The following SLC9A6 variants were observed in gnomAD, a reference collection of about 807,000 sequenced individuals.
SLC9A6 encodes solute carrier family 9 member A6.
In SLC9A6, 6 loss-of-function variants were observed where a neutral mutation model predicts 45.3. The observed-to-expected ratio is 0.13, with a 90% CI of 0.07 to 0.26. SLC9A6 has a LOEUF of 0.26. Ranked by LOEUF, SLC9A6 falls within the 10% of genes least tolerant of loss-of-function variation. SLC9A6 has a pLI of 1.00. For synonymous variants in SLC9A6, 191 were observed against 187.7 expected (o/e 1.02, Z -0.14); for missense variants, 278 against 503.7 (o/e 0.55, Z 4.29).
upstream of SLC9A6, chrX:135,985,391 G>T: frequency 2.2e-6 from 1 of 462,980 alleles, no homozygotes; most frequent in Non-Finnish European, 3.2e-6. Flanking sequence ...GGCGGCGGCG[G>T]CGCGCGCTCC....
chrX:135,996,853 G>A (rs1556616579), intron 3 of SLC9A6, among the ~76,000 whole-genome samples: 3 of 109,103 alleles, frequency 2.7e-5, no homozygotes, highest in Non-Finnish European at 5.7e-5. Context: ...TGCAAGCTCT[G>A]CCTCCTGGGT....
intron 14 of SLC9A6, chrX:136,029,670 T>C (rs1450108236): frequency 1.5e-5 from 2 of 135,798 alleles, no homozygotes; most frequent in Non-Finnish European, 2.9e-5. Flanking sequence ...GCAAGGCTAA[T>C]GTCTATCCAT....
chrX:136,004,860 T>C (rs2089633612), intron 7 of SLC9A6, among the ~76,000 whole-genome samples: 1 of 112,175 alleles, frequency 8.9e-6, no homozygotes, highest in African/African-American at 3.2e-5. Flanking sequence ...TTTTGTATTA[T>C]TTGAAGTAAG....
intron 7 of SLC9A6, among the ~76,000 whole-genome samples, chrX:136,003,467 A>G (rs182936092): frequency 2.4e-4 from 27 of 112,291 alleles, no homozygotes; most frequent in African/African-American, 8.1e-4. Context: ...CTTTGCAGCT[A>G]TATAGTATTC....
chrX:136,043,392 T>G (rs920929030), intron 17 of SLC9A6, among the ~76,000 whole-genome samples: 4 of 111,937 alleles, frequency 3.6e-5, no homozygotes, highest in Admixed American at 9.5e-5. Flanking sequence ...TTTTTGGTCT[T>G]TGAGTATTTA....
At chrX:136,000,254 C>CA (rs1212509294) in intron 6 of SLC9A6, among the ~76,000 whole-genome samples, 772 of 15,462 alleles carry the variant, frequency 0.05, 33 homozygotes, top group Non-Finnish European at 0.065. Context: ...ACCCTGTCTC[C>CA]AAAAAAAAAA....
At chrX:136,025,561 G>A (rs1556620480) in intron 13 of SLC9A6, among the ~76,000 whole-genome samples, 1 of 111,792 alleles carries the variant, frequency 8.9e-6, no homozygotes, top group African/African-American at 3.2e-5. Flanking sequence ...TAATTTCTGT[G>A]CTTTTATTGT....
Position 136,046,970 on chromosome X carries a change from G to T in SLC9A6, c.*2246G>T, listed in dbSNP as rs1454133160. ...TAAAGTTATTTTTTAAGGTTTCTTG[G>T]CATTTATCCTAGTTGTCCGTGTTTG... On this transcript the variant is annotated 3_prime_UTR_variant, in exon 18 of 18. Transcript: ENST00000630721. 8.9e-6 allele frequency: 1 copy of T among 112,457 alleles called. No homozygotes were observed. The highest frequency in any genetic ancestry group is 1.9e-5 in the Non-Finnish European group (1 of 53,250). 9.3% of individuals were successfully genotyped at this position (112,457 alleles called of 1,213,427 possible). A position where few individuals can be genotyped will look rare whatever the true frequency, so the allele number is the denominator to read the frequency against.
intron 17 of SLC9A6, among the ~76,000 whole-genome samples, chrX:136,043,879 C>T (rs1418784458): frequency 1.8e-5 from 2 of 111,694 alleles, no homozygotes; most frequent in African/African-American, 6.5e-5. Context: ...GTACCCCAAA[C>T]TGTATTAGGT....
At chrX:136,007,319 G>A (rs1220582713) in intron 7 of SLC9A6, among the ~76,000 whole-genome samples, 2 of 110,076 alleles carry the variant, frequency 1.8e-5, no homozygotes, top group East Asian at 5.7e-4. Context: ...ATGGCCTAGT[G>A]GGTAGAAGTT....
chrX:136,020,545 A>T (rs1556619814), intron 11 of SLC9A6, among the ~76,000 whole-genome samples: 2 of 110,240 alleles, frequency 1.8e-5, no homozygotes, highest in Non-Finnish European at 3.8e-5. Flanking sequence ...TAATTTTTAT[A>T]TTTTCAGTAG....
chrX:135,998,405 A>T, intron 4 of SLC9A6, 77 bp from the exon 5 acceptor site: 2 of 705,862 alleles, frequency 2.8e-6, no homozygotes, highest in Non-Finnish European at 4.3e-6. Context: ...ATTTCATATT[A>T]GCATAGCATA....
At chrX:136,023,914 G>A (rs1556620255) in intron 12 of SLC9A6, among the ~76,000 whole-genome samples, 1 of 109,336 alleles carries the variant, frequency 9.1e-6, no homozygotes, top group Admixed American at 9.7e-5. Context: ...TTCCGAGATG[G>A]AGTCTTGCTC....
upstream of SLC9A6, among the ~76,000 whole-genome samples, chrX:135,984,336 A>C (rs781826737): frequency 4.5e-5 from 5 of 111,733 alleles, no homozygotes; most frequent in Non-Finnish European, 9.4e-5. Flanking sequence ...CTCATTTCAA[A>C]ATATTTTTAG....
chrX:136,035,016 T>C (rs1224346701), intron 16 of SLC9A6, among the ~76,000 whole-genome samples: 1 of 111,692 alleles, frequency 9.0e-6, no homozygotes, highest in Non-Finnish European at 1.9e-5. Flanking sequence ...GATCCTAATG[T>C]TGAGAAAGCG....
chrX:136,011,352 G>A (rs1475619451), intron 8 of SLC9A6, among the ~76,000 whole-genome samples: 2 of 111,493 alleles, frequency 1.8e-5, no homozygotes, highest in Admixed American at 9.5e-5. Context: ...CGATTCCCCC[G>A]CCTCAGCCTC....
intron 15 of SLC9A6, among the ~76,000 whole-genome samples, chrX:136,031,332 G>GGA (rs1216158963): frequency 4.4e-5 from 5 of 112,748 alleles, no homozygotes; most frequent in African/African-American, 1.6e-4. Flanking sequence ...GGAGTGACAG[G>GGA]GAGAGAGCCA....
intron 2 of SLC9A6, among the ~76,000 whole-genome samples, chrX:135,992,147 T>C (rs1688374424): frequency 8.9e-6 from 1 of 111,934 alleles, no homozygotes; most frequent in Non-Finnish European, 1.9e-5. Flanking sequence ...CCTTACCTCA[T>C]TGAATGTCCT....
chrX:135,983,407 C>T (rs782754321), upstream of SLC9A6: 1 of 110,118 alleles, frequency 9.1e-6, no homozygotes, highest in East Asian at 2.9e-4. Context: ...CCAAGGAGCA[C>T]ACCGACTAAC....
Sources: allele counts gnomAD v4.1 joint callset (sites outside exome capture counted in the v4.1 genomes callset), GRCh38; gene constraint gnomAD v4.1.1; transcripts MANE v1.5; gene names NCBI Gene and HGNC (gene_info 2026-07-23, HGNC 2026-07-21).